The following KYNU variants were observed in gnomAD, a reference collection of about 807,000 sequenced individuals.
KYNU encodes kynureninase.
A neutral mutation model predicts 59.2 loss-of-function variants in KYNU; 54 were observed. The observed-to-expected ratio is 0.91, with a 90% confidence interval of 0.73 to 1.14. The LOEUF (loss-of-function observed/expected upper bound fraction) is 1.14, where lower values mean the gene tolerates loss of function less well. Among genes scored for constraint, KYNU ranks in the 50% most tolerant of loss-of-function variants. The probability of loss-of-function intolerance (pLI) is 0.00; values close to 1 mark genes in which losing one functional copy is unlikely to be tolerated. For missense variants in KYNU, 567 were observed against 554.4 expected, an observed-to-expected ratio of 1.02 and a Z score of -0.23; for synonymous variants, 177 against 192.0, an observed-to-expected ratio of 0.92 and a Z score of 0.65.
At chr2:142,938,615 C>G (rs1035668997) in intron 4 of KYNU, among the ~76,000 whole-genome samples, 2 of 152,170 alleles carry the variant, frequency 1.3e-5, no homozygotes, top group Non-Finnish European at 2.9e-5. Context: ...ACAGAGAAAC[C>G]TTTAAGCCAA....
chr2:142,883,699 A>G (rs940852899), intron 1 of KYNU, among the ~76,000 whole-genome samples: 1 of 152,146 alleles, frequency 6.6e-6, no homozygotes, highest in Admixed American at 6.5e-5. Context: ...TCACTTTCTC[A>G]GAAGGATGAA....
chr2:142,931,853 C>T (rs574832311), intron 4 of KYNU, among the ~76,000 whole-genome samples: 9 of 152,112 alleles, frequency 5.9e-5, no homozygotes, highest in South Asian at 2.1e-4. Flanking sequence ...TGATGAAGGC[C>T]GGCCTGTTAT....
chr2:142,946,916 G>A (rs1683803908), intron 4 of KYNU, among the ~76,000 whole-genome samples: 1 of 152,132 alleles, frequency 6.6e-6, no homozygotes, highest in South Asian at 2.1e-4. Context: ...GATTTTCTGG[G>A]TAACTTGCTG....
intron 2 of KYNU, among the ~76,000 whole-genome samples, chr2:142,905,227 T>C (rs1457483208): frequency 2.6e-5 from 4 of 152,146 alleles, no homozygotes; most frequent in Admixed American, 2.0e-4. Context: ...ATCCTGTTTA[T>C]CTTATGTGCC....
At chr2:142,993,073 C>A (rs887120743) in intron 10 of KYNU, among the ~76,000 whole-genome samples, 2 of 151,836 alleles carry the variant, frequency 1.3e-5, no homozygotes, top group African/African-American at 4.8e-5. Context: ...CTCACAGATA[C>A]GAATCTTCTG....
At chr2:142,902,032 C>CAAA (rs778727875) in intron 2 of KYNU, among the ~76,000 whole-genome samples, 2 of 152,144 alleles carry the variant, frequency 1.3e-5, no homozygotes, top group Non-Finnish European at 2.9e-5. Context: ...ATTAATAGAG[C>CAAA]CTGATATTTA....
chr2:142,932,748 A>G (rs1043600703), intron 4 of KYNU, among the ~76,000 whole-genome samples: 6 of 112,996 alleles, frequency 5.3e-5, no homozygotes, highest in Non-Finnish European at 8.4e-5. Flanking sequence ...ATTGGCTTCA[A>G]TAGTATGTGG....
At chr2:142,921,809 AATAC>A (rs11274854) in intron 3 of KYNU, among the ~76,000 whole-genome samples, 78,454 of 147,660 alleles carry the variant, frequency 0.53, 21,663 homozygotes, top group Non-Finnish European at 0.6. Flanking sequence ...CATGTCTTTA[AATAC>A]ATACATACAT....
rs978343323 is a variant in KYNU at position 142,896,539 on chromosome 2, G to T, written c.169+11003G>T. On this transcript the variant is annotated intron_variant, in intron 2 of 13. Transcript: ENST00000264170. ...TTTTTTGGGGATTTTGGAGCTTTTT[G>T]TTTTTTTGTTTTTTGTTTTTTTAAA... is the stretch of plus-strand genomic sequence containing the variant. Among the ~76,000 whole-genome samples the T allele has an allele frequency of 2.6e-5, 4 of 151,664 alleles. No homozygotes were observed. The East Asian group carries it at 7.7e-4, about 29-fold the overall frequency.
At chr2:143,007,063 C>G (rs1443101301) in intron 10 of KYNU, among the ~76,000 whole-genome samples, 3 of 152,054 alleles carry the variant, frequency 2.0e-5, no homozygotes, top group African/African-American at 7.3e-5. Flanking sequence ...TGGAGAATGA[C>G]TTTGACGAGC....
chr2:143,035,230 A>G (rs1686861524), intron 12 of KYNU, among the ~76,000 whole-genome samples: 1 of 152,196 alleles, frequency 6.6e-6, no homozygotes, highest in Non-Finnish European at 1.5e-5. Context: ...AAGTCTTACT[A>G]TGTTACCCAG....
chr2:142,967,648 A>G (rs578162529), intron 8 of KYNU, among the ~76,000 whole-genome samples: 3 of 152,302 alleles, frequency 2.0e-5, no homozygotes, highest in African/African-American at 7.2e-5. Context: ...TATCCACCTC[A>G]GTGAACCTTC....
chr2:142,882,325 T>C (rs1054540069), intron 1 of KYNU, among the ~76,000 whole-genome samples: 71 of 151,790 alleles, frequency 4.7e-4, no homozygotes, highest in African/African-American at 1.7e-3. Flanking sequence ...GGTCTCCCTT[T>C]TCAACTTTTT....
intron 2 of KYNU, among the ~76,000 whole-genome samples, chr2:142,908,734 A>C (rs893258868): frequency 2.0e-5 from 3 of 151,854 alleles, no homozygotes; most frequent in African/African-American, 7.3e-5. Flanking sequence ...TCCTAGGTTC[A>C]CACCATTCTC....
intron 2 of KYNU, among the ~76,000 whole-genome samples, chr2:142,886,317 A>T (rs1396568547): frequency 1.3e-5 from 2 of 152,172 alleles, no homozygotes; most frequent in African/African-American, 4.8e-5. Flanking sequence ...TGGGTCCAGT[A>T]CTCAGGAGCC....
chr2:142,990,714 T>C (rs1380695231), intron 10 of KYNU, among the ~76,000 whole-genome samples: 2 of 151,890 alleles, frequency 1.3e-5, no homozygotes, highest in East Asian at 3.9e-4. Context: ...TGGGATACTT[T>C]TCTTCTGAGC....
chr2:143,040,672 G>T lies in KYNU; in HGVS notation c.1272+14G>T, dbSNP rs1478091047. 4 of 1,549,646 alleles carry T rather than the reference G, an allele frequency of 2.6e-6. No homozygotes were observed. Among genetic ancestry groups the T allele is most frequent in the Non-Finnish European group, 3.5e-6 (4 of 1,132,292 alleles). On this transcript the variant is annotated intron_variant, in intron 13 of 13. Transcript: ENST00000264170. ...AGAGGAGTGGTTGTAAGTATGTCTT[G>T]CTTTGCTACCAGATTTTGTCTATGG...
intron 10 of KYNU, among the ~76,000 whole-genome samples, chr2:143,021,638 G>A (rs992188821): frequency 2.0e-5 from 3 of 152,060 alleles, no homozygotes; most frequent in African/African-American, 7.2e-5. Flanking sequence ...GATGCTACAC[G>A]CTTTTAAACG....
At chr2:142,944,377 A>G (rs1683706337) in intron 4 of KYNU, among the ~76,000 whole-genome samples, 3 of 152,210 alleles carry the variant, frequency 2.0e-5, no homozygotes, top group South Asian at 2.1e-4. Context: ...AAGCAAAAAT[A>G]TGATGTTCAA....
Sources: gnomAD v4.1 joint callset for allele counts (sites outside exome capture counted in the v4.1 genomes callset) on GRCh38, gnomAD v4.1.1 for gene constraint, MANE v1.5 for transcripts, NCBI Gene and HGNC (gene_info 2026-07-23, HGNC 2026-07-21) for gene names.